Variants in LRP1B observed in about 807,000 individuals in gnomAD.
The protein encoded by LRP1B is low-density lipoprotein receptor-related protein 1B.
LRP1B carries 217 observed loss-of-function variants against 556.6 expected under a neutral mutation model. The ratio of observed to expected loss-of-function variants is 0.39; its 90% confidence interval spans 0.35 to 0.44. The LOEUF is 0.44. LRP1B is among the 20% of genes least tolerant of loss of function. The pLI is 1.00. For synonymous variants in LRP1B, 2,047 were observed against 1,865.8 expected (o/e 1.10, Z -2.50); for missense variants, 5,053 against 5,620.8 (o/e 0.90, Z 3.23).
At chr2:141,032,174 T>C (rs1301750652) in intron 11 of LRP1B, among the ~76,000 whole-genome samples, 1 of 152,086 alleles carries the variant, frequency 6.6e-6, no homozygotes, top group Non-Finnish European at 1.5e-5. Context: ...TAACTCACTT[T>C]GTCTATTTAT....
intron 41 of LRP1B, among the ~76,000 whole-genome samples, chr2:140,660,927 A>G (rs1431428501): frequency 6.6e-6 from 1 of 151,630 alleles, no homozygotes; most frequent in East Asian, 1.9e-4. Flanking sequence ...CAAGCAGATA[A>G]ATGTATGCTT....
chr2:141,879,557 T>A lies in LRP1B; in HGVS notation c.83-69156A>T, dbSNP rs558270432. On this transcript the variant is annotated intron_variant, in intron 1 of 90. Transcript: ENST00000389484. The stretch of plus-strand genomic sequence containing the variant: ...CTTCTGCTCTTCTATCCAGGGTTTT[T>A]TTTTGTCACAGAAACTTTCAATAGA... 1.9e-3 allele frequency among the ~76,000 whole-genome samples: 293 copies of A among 152,090 alleles called. 2 individuals carry two copies. The highest frequency in any genetic ancestry group is 6.5e-3 in the African/African-American group (269 of 41,540).
intron 1 of LRP1B, among the ~76,000 whole-genome samples, chr2:142,098,454 T>C (rs1224902266): frequency 6.6e-6 from 1 of 151,834 alleles, no homozygotes. Flanking sequence ...TACTGGAAAC[T>C]GTCTGCTTTG....
intron 35 of LRP1B, among the ~76,000 whole-genome samples, chr2:140,738,411 T>C (rs1432561003): frequency 6.6e-6 from 1 of 152,056 alleles, no homozygotes; most frequent in Non-Finnish European, 1.5e-5. Context: ...GTGTGGCACA[T>C]GGGATGGTCT....
At chr2:141,321,528 C>T (rs536363032) in intron 3 of LRP1B, among the ~76,000 whole-genome samples, 2 of 152,104 alleles carry the variant, frequency 1.3e-5, no homozygotes, top group East Asian at 1.9e-4. Flanking sequence ...GGTTATAACC[C>T]GCTCATATTC....
chr2:140,792,228 A>G (rs944851584), intron 32 of LRP1B, among the ~76,000 whole-genome samples: 1 of 152,102 alleles, frequency 6.6e-6, no homozygotes, highest in African/African-American at 2.4e-5. Flanking sequence ...TGTGAATTCT[A>G]TACACATAAA....
intron 57 of LRP1B, among the ~76,000 whole-genome samples, chr2:140,490,483 A>G (rs2105370582): frequency 6.6e-6 from 1 of 152,280 alleles, no homozygotes; most frequent in East Asian, 1.9e-4. Flanking sequence ...TGATATTAGA[A>G]TCAATCATTC....
chr2:141,370,355 GATGA>G (rs1158013364), intron 3 of LRP1B, among the ~76,000 whole-genome samples: 1 of 152,094 alleles, frequency 6.6e-6, no homozygotes, highest in Non-Finnish European at 1.5e-5. Context: ...ATTGGTATAG[GATGA>G]TATCTCATTG....
At chr2:141,302,440 C>T (rs1686431096) in intron 3 of LRP1B, among the ~76,000 whole-genome samples, 2 of 152,086 alleles carry the variant, frequency 1.3e-5, no homozygotes, top group African/African-American at 4.8e-5. Context: ...CCTAACTGCT[C>T]ACTTCAGTTA....
chr2:141,647,369 A>G (rs548105155), intron 2 of LRP1B, among the ~76,000 whole-genome samples: 5 of 152,266 alleles, frequency 3.3e-5, no homozygotes, highest in Admixed American at 2.6e-4. Context: ...AGCGTTTTCC[A>G]CCAGGAGAAA....
At chr2:140,781,661 G>A (rs1472236355) in intron 32 of LRP1B, among the ~76,000 whole-genome samples, 2 of 152,120 alleles carry the variant, frequency 1.3e-5, no homozygotes, top group East Asian at 1.9e-4. Flanking sequence ...TGCTATTAGT[G>A]CTATGAAGAA....
chr2:140,680,538 A>G (rs1685826170), intron 41 of LRP1B, among the ~76,000 whole-genome samples: 2 of 152,202 alleles, frequency 1.3e-5, no homozygotes, highest in African/African-American at 4.8e-5. Context: ...GGACCTGTTT[A>G]TCTGGCAGGC....
At chr2:141,194,674 A>G (rs898329540) in intron 6 of LRP1B, among the ~76,000 whole-genome samples, 2 of 152,150 alleles carry the variant, frequency 1.3e-5, no homozygotes, top group Admixed American at 6.6e-5. Context: ...AAAACACTGT[A>G]TATCATTCGG....
chr2:142,117,641 A>G (rs2105007126), intron 1 of LRP1B, among the ~76,000 whole-genome samples: 1 of 151,832 alleles, frequency 6.6e-6, no homozygotes, highest in Admixed American at 6.6e-5. Context: ...GAGAGAGAGA[A>G]AGAGAGAGTC....
At chr2:140,511,654 C>T (rs1028808786) in intron 51 of LRP1B, among the ~76,000 whole-genome samples, 1 of 147,644 alleles carries the variant, frequency 6.8e-6, no homozygotes, top group African/African-American at 2.5e-5. Context: ...TATACCTTAG[C>T]CTGGAGGAAA....
At chr2:141,732,329 T>G (rs971839783) in intron 2 of LRP1B, among the ~76,000 whole-genome samples, 43 of 147,620 alleles carry the variant, frequency 2.9e-4, no homozygotes, top group African/African-American at 7.1e-4. Context: ...AAATATAATA[T>G]ATCTGCATTT....
intron 31 of LRP1B, among the ~76,000 whole-genome samples, chr2:140,839,697 C>T (rs1692037765): frequency 1.3e-5 from 2 of 152,174 alleles, no homozygotes; most frequent in Admixed American, 6.5e-5. Context: ...TAGTTTGCAG[C>T]TCCTCAATTT....
At chr2:141,774,477 A>G (rs1425923541) in intron 2 of LRP1B, among the ~76,000 whole-genome samples, 1 of 152,132 alleles carries the variant, frequency 6.6e-6, no homozygotes, top group Non-Finnish European at 1.5e-5. Context: ...TGGGCCATTC[A>G]TGAGGGATCT....
chr2:140,678,448 A>T (rs1685746956), intron 41 of LRP1B, among the ~76,000 whole-genome samples: 1 of 152,204 alleles, frequency 6.6e-6, no homozygotes, highest in African/African-American at 2.4e-5. Context: ...AGACTTTCAA[A>T]ATCAGTATAG....
Sources: gnomAD v4.1 joint callset for allele counts (sites outside exome capture counted in the v4.1 genomes callset) on GRCh38, gnomAD v4.1.1 for gene constraint, MANE v1.5 for transcripts, NCBI Gene and HGNC (gene_info 2026-07-23, HGNC 2026-07-21) for gene names.